KSR2: variants seen among roughly 807,000 people sequenced by gnomAD.
The protein encoded by KSR2 is kinase suppressor of ras 2.
Under a neutral mutation model 107.8 loss-of-function variants are expected in KSR2, and 25 were observed. The observed-to-expected ratio is 0.23, with a 90% CI of 0.17 to 0.32. The LOEUF (loss-of-function observed/expected upper bound fraction) is 0.32, where lower values mean the gene tolerates loss of function less well. KSR2 is among the 10% of genes least tolerant of loss of function. The pLI, the probability that KSR2 is intolerant of heterozygous loss-of-function variation, is 1.00. For synonymous variants in KSR2, 480 were observed against 507.0 expected (o/e 0.95, Z 0.71); for missense variants, 887 against 1,268.9 (o/e 0.70, Z 4.57).
In KSR2 at chr12:117,813,716, A is replaced by G. The variant is rs1891278010; in HGVS notation, c.472+41712T>C. Among the ~76,000 whole-genome samples the G allele has an allele frequency of 1.3e-5, 2 of 152,214 alleles. 1 individual carries two copies. The highest frequency in any genetic ancestry group is 4.1e-4 in the South Asian group (2 of 4,828). On this transcript the variant is annotated intron_variant, in intron 3 of 19. Transcript: ENST00000339824. Reference sequence around the variant, plus strand: ...CAGCCACTACAGAAAACAGTATGGAAGTTCTTTAGAAAACTACACATAGAA... The same window carrying G: ...CAGCCACTACAGAAAACAGTATGGAGGTTCTTTAGAAAACTACACATAGAA...
chr12:117,572,824 G>A (rs1298790281), intron 7 of KSR2, among the ~76,000 whole-genome samples: 1 of 152,158 alleles, frequency 6.6e-6, no homozygotes, highest in Admixed American at 6.5e-5. Context: ...GATAGGGGTA[G>A]AGAGGTTTCC....
intron 3 of KSR2, among the ~76,000 whole-genome samples, chr12:117,838,429 A>G (rs1358587639): frequency 6.6e-6 from 1 of 152,166 alleles, no homozygotes; most frequent in African/African-American, 2.4e-5. Context: ...AGCCTCCCAA[A>G]GTGCTGGGAT....
chr12:117,558,015 C>G (rs1877826449), intron 8 of KSR2, among the ~76,000 whole-genome samples: 1 of 152,172 alleles, frequency 6.6e-6, no homozygotes, highest in Admixed American at 6.5e-5. Flanking sequence ...CCTATGTGGA[C>G]AGGTTGACCC....
At chr12:117,592,176 C>A (rs972613196) in intron 5 of KSR2, among the ~76,000 whole-genome samples, 10 of 150,486 alleles carry the variant, frequency 6.6e-5, no homozygotes, top group African/African-American at 2.2e-4. Flanking sequence ...CGCAATGGAG[C>A]AATCTCCACT....
intron 16 of KSR2, among the ~76,000 whole-genome samples, chr12:117,477,430 C>A (rs73210107): frequency 0.087 from 13,284 of 152,182 alleles, 643 homozygotes; most frequent in East Asian, 0.19. Flanking sequence ...GTGCTTGGCA[C>A]AGAACAAGAC....
rs200137704 is a variant in KSR2, at chr12:117,455,038, G to C, written c.*12161C>G. On this transcript the variant is annotated 3_prime_UTR_variant, in exon 20 of 20. Coordinates refer to ENST00000339824, the MANE Select transcript of KSR2 (RefSeq NM_173598.6). ...ACAGACACAGAGACAGACAGACAGA[G>C]AGAGAGAGAGAGAGAGAGAGAGAGA... 11,013 of 139,168 alleles carry C rather than the reference G, an allele frequency of 0.079. 536 individuals are homozygous for C. The highest frequency in any genetic ancestry group is 0.18 in the East Asian group (803 of 4,356). The allele number at this position is 139,168 out of a possible 1,614,324, so 8.6% of individuals were successfully genotyped here.
At chr12:117,539,495 G>A (rs750582178) in intron 10 of KSR2, 33 of 483,098 alleles carry the variant, frequency 6.8e-5, no homozygotes, top group Non-Finnish European at 1.1e-4. Flanking sequence ...AGCTGATAAT[G>A]CTTACCTTGT....
Position 117,828,416 on chromosome 12 carries a change from C to T in KSR2, c.472+27012G>A, listed in dbSNP as rs537085449. 1.1e-4 allele frequency among the ~76,000 whole-genome samples: 16 copies of T among 152,312 alleles called. No homozygotes were observed. In the East Asian group the frequency reaches 3.1e-3, roughly 29 times the overall value. ...CAACGTGCTATCCTGAATAGTAAAC[C>T]ATTAGTAGCCATACAAATGGCTACC... On this transcript the variant is annotated intron_variant, in intron 3 of 19. Transcript: ENST00000339824.
intron 4 of KSR2, among the ~76,000 whole-genome samples, chr12:117,731,524 G>A (rs1261081544): frequency 5.9e-5 from 9 of 152,206 alleles, no homozygotes; most frequent in South Asian, 4.1e-4. Context: ...CCGCCACCCC[G>A]TCTGGGAGGG....
chr12:117,504,399 G>A (rs969110365), intron 14 of KSR2, among the ~76,000 whole-genome samples: 4 of 152,174 alleles, frequency 2.6e-5, no homozygotes, highest in Non-Finnish European at 5.9e-5. Context: ...TCTCAAAGAT[G>A]AGCAAAAATC....
chr12:117,941,773 G>A (rs1265029629), intron 1 of KSR2, among the ~76,000 whole-genome samples: 1 of 145,246 alleles, frequency 6.9e-6, no homozygotes, highest in Non-Finnish European at 1.5e-5. Flanking sequence ...ACTCGGGCAT[G>A]TGCCACCAGG....
intron 1 of KSR2, among the ~76,000 whole-genome samples, chr12:117,941,737 G>A (rs185392973): frequency 7.3e-5 from 10 of 136,586 alleles, no homozygotes; most frequent in East Asian, 4.4e-4. Context: ...AATGATTCTC[G>A]TGCCTCAACC....
intron 10 of KSR2, among the ~76,000 whole-genome samples, chr12:117,535,149 C>A (rs796104373): frequency 5.9e-5 from 9 of 152,216 alleles, no homozygotes; most frequent in African/African-American, 2.2e-4. Context: ...ACAGTAGATG[C>A]GTAATAAATA....
intron 1 of KSR2, among the ~76,000 whole-genome samples, chr12:117,937,595 G>A (rs941500505): frequency 6.6e-6 from 1 of 151,998 alleles, no homozygotes; most frequent in African/African-American, 2.4e-5. Flanking sequence ...ATAAGGAGAT[G>A]AGGCAGGAAG....
intron 3 of KSR2, among the ~76,000 whole-genome samples, chr12:117,819,944 G>C (rs534362794): frequency 3.9e-5 from 6 of 152,136 alleles, no homozygotes; most frequent in African/African-American, 1.4e-4. Context: ...AAGCCTAAAA[G>C]GTTTTATAAT....
At chr12:117,758,115 C>T (rs2136855852) in intron 4 of KSR2, among the ~76,000 whole-genome samples, 1 of 152,244 alleles carries the variant, frequency 6.6e-6, no homozygotes, top group African/African-American at 2.4e-5. Flanking sequence ...ATTCTAACCT[C>T]TTGGGTCCAC....
At chr12:117,657,484 A>G (rs939260191) in intron 5 of KSR2, among the ~76,000 whole-genome samples, 2 of 152,170 alleles carry the variant, frequency 1.3e-5, no homozygotes, top group African/African-American at 2.4e-5. Flanking sequence ...ATGAATCCCA[A>G]TCACCAACAT....
chr12:117,732,849 T>C (rs143988754), intron 4 of KSR2, among the ~76,000 whole-genome samples: 1 of 152,228 alleles, frequency 6.6e-6, no homozygotes, highest in Non-Finnish European at 1.5e-5. Context: ...ACGGGGTCCA[T>C]CAGAGGGGAT....
At position 117,741,048 on chromosome 12, in the gene KSR2, G is replaced by A. The variant is rs562353493; in HGVS notation, c.986+19963C>T. On this transcript the variant is annotated intron_variant, in intron 4 of 19. Transcript: ENST00000339824. ...TTCTATCTCTGAAAACTTACTTGAC[G>A]GTCAAGGTTAAAGGGTACATCCTAA... is the stretch of plus-strand genomic sequence containing the variant. Among the ~76,000 whole-genome samples, 5 of 152,256 alleles carry A rather than the reference G, an allele frequency of 3.3e-5. No homozygotes were observed. The East Asian group carries it at 7.7e-4, about 24-fold the overall frequency.
Sources: allele counts gnomAD v4.1 joint callset (sites outside exome capture counted in the v4.1 genomes callset), GRCh38; gene constraint gnomAD v4.1.1; transcripts MANE v1.5; gene names NCBI Gene and HGNC (gene_info 2026-07-23, HGNC 2026-07-21).